CYFIP1: variants seen among roughly 807,000 people sequenced by gnomAD.
CYFIP1 encodes cytoplasmic FMR1-interacting protein 1.
CYFIP1 carries 58 observed loss-of-function variants against 163.5 expected under a neutral mutation model. The observed-to-expected ratio is 0.35, with a 90% CI of 0.29 to 0.44. The LOEUF is 0.44. Among genes scored for constraint, CYFIP1 ranks in the 20% least tolerant of loss-of-function variants. CYFIP1 has a pLI of 1.00. For synonymous variants in CYFIP1, 663 were observed against 660.7 expected, an observed-to-expected ratio of 1.00 and a Z score of -0.05; for missense variants, 1,338 against 1,653.8, an observed-to-expected ratio of 0.81 and a Z score of 3.31.
At chr15:22,889,038 C>CA (rs543290681) in intron 23 of CYFIP1, among the ~76,000 whole-genome samples, 2,015 of 134,124 alleles carry the variant, frequency 0.015, 25 homozygotes, top group South Asian at 0.051. Context: ...GACTCTGTCT[C>CA]AAAAAAAAAA....
At chr15:22,872,306 A>G (rs1389871187) in intron 30 of CYFIP1, among the ~76,000 whole-genome samples, 1 of 151,398 alleles carries the variant, frequency 6.6e-6, no homozygotes, top group African/African-American at 2.4e-5. Flanking sequence ...AAAAAAAAAA[A>G]AAAAGAAAGA....
In CYFIP1 at chr15:22,900,392, TTC is replaced by T. The variant is rs1278116029; in HGVS notation, c.2588+3312_2588+3313del. On this transcript the variant is annotated intron_variant, in intron 22 of 30. Transcript: ENST00000617928. The stretch of plus-strand genomic sequence containing the variant: ...ACTCCAGAACCGTAAGAGAATAAAT[TTC>T]TGTTCTTTTTTTTTTTTTTTTTGAG... 2.0e-5 allele frequency among the ~76,000 whole-genome samples: 3 copies of T among 148,962 alleles called. No individual in the cohort carries two copies. In the East Asian group the frequency reaches 6.0e-4, roughly 30 times the overall value.
chr15:22,897,703 C>T (rs780903532), intron 22 of CYFIP1, among the ~76,000 whole-genome samples: 3 of 152,062 alleles, frequency 2.0e-5, no homozygotes, highest in Non-Finnish European at 4.4e-5. Context: ...AGGCTGGTCT[C>T]GAACTCCTGA....
rs184340685 is a variant in CYFIP1 at position 22,971,180 on chromosome 15, A to C, written c.-7+9107T>G. Among the ~76,000 whole-genome samples, 328 of 152,358 alleles carry C rather than the reference A, an allele frequency of 2.2e-3. 6 individuals carry two copies. The highest frequency in any genetic ancestry group is 7.6e-3 in the African/African-American group (314 of 41,584). Reference sequence around the variant, plus strand: ...TAAAACTCTTAGAAGAAAACAGGAGAAATGCTTCATGACATCAGATTTGGC... The same window carrying C: ...TAAAACTCTTAGAAGAAAACAGGAGCAATGCTTCATGACATCAGATTTGGC... On this transcript the variant is annotated intron_variant, in intron 1 of 30. Coordinates refer to ENST00000617928, the MANE Select transcript of CYFIP1 (RefSeq NM_014608.6).
chr15:22,944,523 G>A (rs371933989), intron 5 of CYFIP1, 35 bp downstream of exon 5: 41 of 1,444,040 alleles, frequency 2.8e-5, no homozygotes, highest in Admixed American at 1.7e-5. Flanking sequence ...CCACCCCTCG[G>A]TGTTACACCC....
intron 30 of CYFIP1, among the ~76,000 whole-genome samples, chr15:22,872,076 T>C (rs1035353837): frequency 4.3e-4 from 66 of 152,016 alleles, no homozygotes; most frequent in African/African-American, 1.5e-3. Context: ...TGTCAGGAGT[T>C]CAAGATCAGC....
rs111674115 is a variant in CYFIP1 at position 22,937,220 on chromosome 15, C to T, written c.796-12G>A. 6.6e-7 allele frequency: 1 copy of T among 1,509,412 alleles called. No homozygotes were observed. Among genetic ancestry groups the T allele is most frequent in the African/African-American group, 1.4e-5 (1 of 72,910 alleles). 93.5% of individuals were successfully genotyped at this position (1,509,412 alleles called of 1,614,324 possible). ...CCAAATCCCATGACCTGAAAAGCCA[C>T]AAAATGAATGATGCGACAAAGCTCA... On this transcript the variant is annotated splice_polypyrimidine_tract_variant and intron_variant, in intron 8 of 30. Coordinates refer to ENST00000617928, the MANE Select transcript of CYFIP1 (RefSeq NM_014608.6).
chr15:22,945,154 G>A lies in CYFIP1; in HGVS notation c.208-215C>T, dbSNP rs2062017451. Among the ~76,000 whole-genome samples, 2 of 152,144 alleles carry A rather than the reference G, an allele frequency of 1.3e-5. 1 individual carries two copies. The highest frequency in any genetic ancestry group is 1.3e-4 in the Admixed American group (2 of 15,268). Reference sequence around the variant, plus strand: ...ACCCCATGGCTTCTGCAGGCGAGAGGGGTGTCAGTGACACGCAGGCATCTC... The same window carrying A: ...ACCCCATGGCTTCTGCAGGCGAGAGAGGTGTCAGTGACACGCAGGCATCTC... On this transcript the variant is annotated intron_variant, in intron 3 of 30. Coordinates refer to ENST00000617928, the MANE Select transcript of CYFIP1 (RefSeq NM_014608.6).
chr15:22,929,853 G>A (rs74412704), intron 11 of CYFIP1, among the ~76,000 whole-genome samples: 65,116 of 149,154 alleles, frequency 0.44, 14,816 homozygotes, highest in Middle Eastern at 0.6. Context: ...GGAGAATGGC[G>A]TGAACCTGGG....
intron 5 of CYFIP1, 41 bp downstream of exon 5, chr15:22,944,517 C>T (rs932447702): frequency 2.0e-5 from 27 of 1,383,522 alleles, no homozygotes; most frequent in Non-Finnish European, 2.7e-5. Flanking sequence ...AGCAACCCAC[C>T]CCTCGGTGTT....
In CYFIP1 at chr15:22,908,996, G is replaced by A. The variant is rs1417761560; in HGVS notation, c.2388+198C>T. ...TGAGTGTAGGCTTGGTATAGGCCAC[G>A]CCCGATGAGTGCATCTCTTTTATTA... On this transcript the variant is annotated intron_variant, in intron 21 of 30. Coordinates refer to ENST00000617928, the MANE Select transcript of CYFIP1 (RefSeq NM_014608.6). 2.6e-5 allele frequency among the ~76,000 whole-genome samples: 4 copies of A among 151,002 alleles called. 1 individual carries two copies. Among genetic ancestry groups the A allele is most frequent in the Admixed American group, 1.3e-4 (2 of 15,236 alleles).
At chr15:22,972,361 C>T (rs761275788) in intron 1 of CYFIP1, among the ~76,000 whole-genome samples, 9 of 152,016 alleles carry the variant, frequency 5.9e-5, no homozygotes, top group Non-Finnish European at 1.3e-4. Flanking sequence ...CGCTTGAACC[C>T]GGGAGGCGGA....
intron 9 of CYFIP1, among the ~76,000 whole-genome samples, chr15:22,935,073 G>C (rs1439224841): frequency 1.3e-5 from 2 of 152,110 alleles, no homozygotes; most frequent in Non-Finnish European, 2.9e-5. Context: ...AAAAAAAATG[G>C]TTTTGGGGGG....
intron 1 of CYFIP1, among the ~76,000 whole-genome samples, chr15:22,966,155 C>A (rs560771215): frequency 1.4e-4 from 21 of 151,682 alleles, no homozygotes; most frequent in African/African-American, 5.1e-4. Context: ...TCGAGACCAG[C>A]CTGACCAACA....
chr15:22,893,553 A>C (rs775417953), intron 22 of CYFIP1, among the ~76,000 whole-genome samples: 1 of 152,216 alleles, frequency 6.6e-6, no homozygotes, highest in Non-Finnish European at 1.5e-5. Context: ...AAGTATAAGA[A>C]AGACAATTTT....
intron 17 of CYFIP1, among the ~76,000 whole-genome samples, chr15:22,913,739 G>A (rs1471419553): frequency 6.6e-6 from 1 of 152,010 alleles, no homozygotes; most frequent in Non-Finnish European, 1.5e-5. Context: ...GCCATGGCCA[G>A]GGGCAAGGAG....
intron 23 of CYFIP1, among the ~76,000 whole-genome samples, chr15:22,884,218 C>G (rs778802391): frequency 6.6e-6 from 1 of 152,180 alleles, no homozygotes; most frequent in Non-Finnish European, 1.5e-5. Flanking sequence ...TTAACTCATT[C>G]CAGCATTAAT....
At chr15:22,980,040 G>A (rs1413541871) in intron 1 of CYFIP1, among the ~76,000 whole-genome samples, 1 of 151,886 alleles carries the variant, frequency 6.6e-6, no homozygotes, top group Non-Finnish European at 1.5e-5. Flanking sequence ...CAGGGACCGG[G>A]AAGCCAGTGC....
At chr15:22,905,181 T>C (rs912734808) in intron 21 of CYFIP1, 4 of 152,212 alleles carry the variant, frequency 2.6e-5, no homozygotes, top group Non-Finnish European at 5.9e-5. Flanking sequence ...TATTATTATT[T>C]TTTCTAATCT....
Sources: gnomAD v4.1 joint callset for allele counts (sites outside exome capture counted in the v4.1 genomes callset) on GRCh38, gnomAD v4.1.1 for gene constraint, MANE v1.5 for transcripts, NCBI Gene and HGNC (gene_info 2026-07-23, HGNC 2026-07-21) for gene names.